The following HACD3 variants were observed in gnomAD, a reference collection of about 807,000 sequenced individuals.
HACD3 encodes the protein very-long-chain (3R)-3-hydroxyacyl-CoA dehydratase 3.
In HACD3, 30 loss-of-function variants were observed where a neutral mutation model predicts 55.2. The observed-to-expected ratio is 0.54, with a 90% CI of 0.41 to 0.74. HACD3 has a LOEUF of 0.74. HACD3 is among the 30% of genes least tolerant of loss of function. HACD3 has a pLI of 0.00. For synonymous variants in HACD3, 141 were observed against 151.7 expected (o/e 0.93, Z 0.52); for missense variants, 363 against 440.1 (o/e 0.82, Z 1.57).
intron 5 of HACD3, among the ~76,000 whole-genome samples, chr15:65,561,425 C>T (rs143727386): frequency 4.2e-4 from 63 of 151,488 alleles, no homozygotes; most frequent in African/African-American, 1.5e-3. Context: ...GAGATTGTGC[C>T]ACTGCACTCC....
At chr15:65,542,936 C>T (rs908082081) in intron 1 of HACD3, among the ~76,000 whole-genome samples, 4 of 151,564 alleles carry the variant, frequency 2.6e-5, no homozygotes, top group African/African-American at 9.7e-5. Flanking sequence ...TAGCTGGGTG[C>T]GATGGCATGT....
rs117833079 is a variant in HACD3, at chr15:65,551,872, T to C, written c.130+154T>C. 6.0e-4 allele frequency: 458 copies of C among 769,176 alleles called. 3 individuals are homozygous for C. The East Asian group carries it at 0.01, about 17-fold the overall frequency. 47.6% of individuals were successfully genotyped at this position (769,176 alleles called of 1,614,324 possible). On this transcript the variant is annotated intron_variant, in intron 2 of 10. Coordinates refer to ENST00000261875, the MANE Select transcript of HACD3 (RefSeq NM_016395.4). ...AGGTAAGCTAAATTGTTTTGAAATA[T>C]ATGATTAGAAAAGTCAAAGAATTGG...
At chr15:65,574,765 T>C (rs2141228300) in intron 10 of HACD3, among the ~76,000 whole-genome samples, 1 of 152,318 alleles carries the variant, frequency 6.6e-6, no homozygotes, top group Non-Finnish European at 1.5e-5. Context: ...TTCAGAAATA[T>C]TGCCAACCAA....
intron 1 of HACD3, among the ~76,000 whole-genome samples, chr15:65,535,421 C>A (rs1203812031): frequency 6.6e-6 from 1 of 152,158 alleles, no homozygotes; most frequent in Non-Finnish European, 1.5e-5. Context: ...ACAAGAATGA[C>A]CAATAAGTCT....
intron 10 of HACD3, among the ~76,000 whole-genome samples, chr15:65,573,667 T>A (rs1177804911): frequency 6.6e-6 from 1 of 152,156 alleles, no homozygotes; most frequent in African/African-American, 2.4e-5. Flanking sequence ...CAACTATACA[T>A]GATTCTACCC....
At position 65,554,940 on chromosome 15, in the gene HACD3, T is replaced by G. The variant is rs186662742; in HGVS notation, c.184T>G (p.Leu62Val). 2.9e-4 allele frequency: 463 copies of G among 1,610,220 alleles called. 2 individuals are homozygous for G. In the African/African-American group the frequency reaches 5.6e-3, roughly 19 times the overall value. The change falls in exon 3 of 11, where the codon TTA (leucine) becomes GTA (valine). Residue 62 changes from leucine (L) to valine (V), a missense_variant. Transcript: ENST00000261875. ...TGTCTATGAATTTCACCTGGAGTTC[T>G]TAGACCTTGTGAAACCAGAGGTATG... ...DNVYEFHLEF[L>V]DLVKPEPVYK...
rs992791365 is a variant in HACD3, at chr15:65,577,833, G to C, written c.*1454G>C. ...GATCCTTTAACAAGGATTTCTGGCA[G>C]GAAACTCACAAAAAGGAGAACTGAA... is the stretch of plus-strand genomic sequence containing the variant. On this transcript the variant is annotated 3_prime_UTR_variant, in exon 11 of 11. Transcript: ENST00000261875. The C allele has an allele frequency of 2.0e-5, 3 of 152,542 alleles. No individual in the cohort carries two copies. Among genetic ancestry groups the C allele is most frequent in the Admixed American group, 1.3e-4 (2 of 15,274 alleles). The allele number at this position is 152,542 out of a possible 1,614,324, so 9.4% of individuals were successfully genotyped here.
intron 2 of HACD3, among the ~76,000 whole-genome samples, chr15:65,552,308 T>A (rs963405955): frequency 2.0e-5 from 3 of 151,990 alleles, no homozygotes; most frequent in African/African-American, 7.3e-5. Flanking sequence ...TAAAAAAAAA[T>A]TATTATGGAA....
intron 3 of HACD3, 39 bp from the exon 4 acceptor site, chr15:65,556,700 C>G: frequency 6.4e-7 from 1 of 1,567,972 alleles, no homozygotes; most frequent in Non-Finnish European, 8.7e-7. Flanking sequence ...CTTCAGGGAA[C>G]AGAAGAGGGC....
rs747363151 is a variant in HACD3 at position 65,567,930 on chromosome 15, C to CT, written c.661-2147dup. On this transcript the variant is annotated intron_variant, in intron 7 of 10. Transcript: ENST00000261875. ...TTGTTTAATGGGTCATAGTTTCTTTCTTTTTTTTTTTTTTGAGAGTCTCGC... is the reference window on the plus strand; with the variant it reads ...TTGTTTAATGGGTCATAGTTTCTTTCTTTTTTTTTTTTTTTGAGAGTCTCGC... Among the ~76,000 whole-genome samples the CT allele has an allele frequency of 4.6e-3, 599 of 130,976 alleles. 3 individuals carry two copies. Among genetic ancestry groups the CT allele is most frequent in the African/African-American group, 0.012 (417 of 34,622 alleles). 85.9% of individuals were successfully genotyped at this position (130,976 alleles called of 152,430 possible).
rs1051166662 is a variant in HACD3 at position 65,556,709 on chromosome 15, G to T, written c.205-30G>T. The T allele has an allele frequency of 1.9e-6, 3 of 1,579,864 alleles. No homozygotes were observed. The African/African-American group carries it at 4.0e-5, about 21-fold the overall frequency. ...GTGCTGCTTCAGGGAACAGAAGAGG[G>T]CATTCTCACATTTTCACTTTCTCTC... is the stretch of plus-strand genomic sequence containing the variant. On this transcript the variant is annotated intron_variant, in intron 3 of 10. Transcript: ENST00000261875.
At position 65,541,957 on chromosome 15, in the gene HACD3, G is replaced by A. The variant is rs561146993; in HGVS notation, c.88-9719G>A. ...ATAAGAATATCTGTTTTGGCCGGGT[G>A]CGGTGGCTCACGCCTGTAATCCCAG... On this transcript the variant is annotated intron_variant, in intron 1 of 10. Coordinates refer to ENST00000261875, the MANE Select transcript of HACD3 (RefSeq NM_016395.4). Among the ~76,000 whole-genome samples the A allele has an allele frequency of 2.0e-4, 31 of 152,192 alleles. No individual in the cohort carries two copies. In the South Asian group the frequency reaches 6.0e-3, roughly 29 times the overall value.
In HACD3 at chr15:65,568,169, G is replaced by A. The variant is rs150615589; in HGVS notation, c.661-1922G>A. Among the ~76,000 whole-genome samples, 170 of 151,896 alleles carry A rather than the reference G, an allele frequency of 1.1e-3. 1 individual carries two copies. Among genetic ancestry groups the A allele is most frequent in the African/African-American group, 3.8e-3 (156 of 41,446 alleles). ...ACTCCTGACCCCAGGTGATCTACCCGCCTCGGCCTTCCAAAGTGCTGGGAT... is the reference window on the plus strand; with the variant it reads ...ACTCCTGACCCCAGGTGATCTACCCACCTCGGCCTTCCAAAGTGCTGGGAT... On this transcript the variant is annotated intron_variant, in intron 7 of 10. Coordinates refer to ENST00000261875, the MANE Select transcript of HACD3 (RefSeq NM_016395.4).
At chr15:65,572,914 CAAA>C (rs60226731) in intron 10 of HACD3, among the ~76,000 whole-genome samples, 9 of 106,442 alleles carry the variant, frequency 8.5e-5, no homozygotes, top group Admixed American at 3.2e-4. Flanking sequence ...GACTTTGTCT[CAAA>C]AAAAAAAAAA....
At chr15:65,543,613 A>C (rs2072043821) in intron 1 of HACD3, among the ~76,000 whole-genome samples, 1 of 152,220 alleles carries the variant, frequency 6.6e-6, no homozygotes, top group Non-Finnish European at 1.5e-5. Flanking sequence ...TAGCCCACTG[A>C]AAGATGAACA....
In HACD3 at chr15:65,576,535, GTTATC is replaced by G; in HGVS notation, c.*161_*165del. 3 of 780,186 alleles carry G rather than the reference GTTATC, an allele frequency of 3.8e-6. No homozygotes were observed. The highest frequency in any genetic ancestry group is 4.0e-6 in the Non-Finnish European group (2 of 502,030). The allele number at this position is 780,186 out of a possible 1,614,324, so 48.3% of individuals were successfully genotyped here. A position where few individuals can be genotyped will look rare whatever the true frequency, so the allele number is the denominator to read the frequency against. On this transcript the variant is annotated 3_prime_UTR_variant, in exon 11 of 11. Coordinates refer to ENST00000261875, the MANE Select transcript of HACD3 (RefSeq NM_016395.4). ...CCCCAGTAACATTCCTGAATTTACT[GTTATC>G]TTATTGTAGTACTTGCATGACATGG... is the stretch of plus-strand genomic sequence containing the variant.
chr15:65,562,700 A>C, intron 5 of HACD3, 74 bp from the exon 6 acceptor site: 1 of 1,549,234 alleles, frequency 6.5e-7, no homozygotes, highest in East Asian at 2.3e-5. Flanking sequence ...GAAGTCATCC[A>C]GATATGCCTC....
intron 1 of HACD3, among the ~76,000 whole-genome samples, chr15:65,542,387 C>T (rs1283942348): frequency 6.6e-6 from 1 of 151,950 alleles, no homozygotes; most frequent in East Asian, 1.9e-4. Context: ...CCTCAGTCTC[C>T]CAAGTAGCTA....
chr15:65,549,481 T>G (rs2072110965), intron 1 of HACD3, among the ~76,000 whole-genome samples: 1 of 142,382 alleles, frequency 7.0e-6, no homozygotes. Flanking sequence ...ACACCTGTAA[T>G]CCCAGCTGCT....
Sources: gnomAD v4.1 joint callset for allele counts (sites outside exome capture counted in the v4.1 genomes callset) on GRCh38, gnomAD v4.1.1 for gene constraint, MANE v1.5 for transcripts, NCBI Gene and HGNC (gene_info 2026-07-23, HGNC 2026-07-21) for gene names.